The following BNC2 variants were observed in gnomAD, a reference collection of about 807,000 sequenced individuals.
BNC2 encodes basonuclin zinc finger protein 2, also known as zinc finger protein basonuclin-2.
In BNC2, 20 loss-of-function variants were observed where a neutral mutation model predicts 76.3. The observed-to-expected ratio is 0.26, with a 90% confidence interval of 0.18 to 0.38. The LOEUF (loss-of-function observed/expected upper bound fraction) is 0.38, where lower values mean the gene tolerates loss of function less well. Ranked by LOEUF, BNC2 falls within the 10% of genes least tolerant of loss-of-function variation. The probability of loss-of-function intolerance (pLI) is 1.00; values close to 1 mark genes in which losing one functional copy is unlikely to be tolerated. For missense variants in BNC2, 1,382 were observed against 1,399.8 expected (o/e 0.99, Z 0.20); for synonymous variants, 582 against 514.8 (o/e 1.13, Z -1.77).
At chr9:16,847,255 GA>G (rs1217978088) in intron 1 of BNC2, among the ~76,000 whole-genome samples, 5 of 152,102 alleles carry the variant, frequency 3.3e-5, no homozygotes, top group Admixed American at 6.5e-5. Flanking sequence ...ATATGACAGA[GA>G]ACTTAAACCA....
intron 1 of BNC2, among the ~76,000 whole-genome samples, chr9:16,810,307 A>G (rs370906970): frequency 1.3e-5 from 2 of 152,330 alleles, no homozygotes; most frequent in African/African-American, 4.8e-5. Context: ...TGGGGCTAGA[A>G]GCTGAGGTGA....
At chr9:16,853,532 A>G (rs1405582776) in intron 1 of BNC2, among the ~76,000 whole-genome samples, 1 of 151,492 alleles carries the variant, frequency 6.6e-6, no homozygotes, top group South Asian at 2.1e-4. Context: ...TCTCTCCAAC[A>G]CCTCCCCTCA....
intron 4 of BNC2, among the ~76,000 whole-genome samples, chr9:16,562,928 T>C (rs966598441): frequency 1.3e-5 from 2 of 152,212 alleles, no homozygotes; most frequent in African/African-American, 4.8e-5. Context: ...TAAATAAATT[T>C]TACTAGCACC....
chr9:16,468,375 A>C (rs1821740966), intron 5 of BNC2, among the ~76,000 whole-genome samples: 1 of 151,708 alleles, frequency 6.6e-6, no homozygotes, highest in Non-Finnish European at 1.5e-5. Context: ...TAGGTATTTT[A>C]TATGCAGTAT....
intron 5 of BNC2, among the ~76,000 whole-genome samples, chr9:16,520,433 G>GT (rs1422183930): frequency 1.3e-5 from 2 of 152,140 alleles, no homozygotes; most frequent in Admixed American, 6.5e-5. Flanking sequence ...AGGAACTGGT[G>GT]TAAGAACAAT....
intron 1 of BNC2, among the ~76,000 whole-genome samples, chr9:16,796,633 GGGAAA>G (rs371867102): frequency 3.5e-5 from 5 of 144,710 alleles, no homozygotes; most frequent in African/African-American, 1.3e-4. Context: ...GGAAGGGAAA[GGGAAA>G]GGAAAGGAAA....
intron 3 of BNC2, among the ~76,000 whole-genome samples, chr9:16,589,729 C>CA (rs2133153197): frequency 6.6e-6 from 1 of 151,988 alleles, no homozygotes; most frequent in Admixed American, 6.6e-5. Context: ...AGGCTGGTCT[C>CA]AAACTCCTGA....
chr9:16,808,870 G>C (rs968936782), intron 1 of BNC2, among the ~76,000 whole-genome samples: 1 of 152,034 alleles, frequency 6.6e-6, no homozygotes, highest in African/African-American at 2.4e-5. Flanking sequence ...GCTGGTGACT[G>C]GGACAGGAAA....
intron 3 of BNC2, among the ~76,000 whole-genome samples, chr9:16,652,379 G>T (rs1821817106): frequency 6.6e-6 from 1 of 151,930 alleles, no homozygotes; most frequent in Non-Finnish European, 1.5e-5. Flanking sequence ...TTTCTTTTAG[G>T]TTGCCAAACC....
intron 3 of BNC2, among the ~76,000 whole-genome samples, chr9:16,643,257 G>C (rs376385602): frequency 6.8e-6 from 1 of 146,062 alleles, no homozygotes; most frequent in Non-Finnish European, 1.5e-5. Context: ...AGTGAGCCAA[G>C]ATCACGACAA....
In BNC2 at chr9:16,435,761, A is replaced by T. The variant is rs1820995959; in HGVS notation, c.2433T>A (p.Ser811=). ...ACTTTTGAGGGCTGCCATAATTCAGAGACGATGTAAAGCTCTCATGCAAGG... is the reference window on the plus strand; with the variant it reads ...ACTTTTGAGGGCTGCCATAATTCAGTGACGATGTAAAGCTCTCATGCAAGG... ...MAALHESFTS[S]LNYGSPQKFS... is the part of the protein sequence containing the mutation. The change falls in exon 6 of 7, where the codon TCT becomes TCA. Residue 811 remains serine (S), a synonymous_variant. Transcript: ENST00000380672. 6.2e-7 allele frequency: 1 copy of T among 1,613,948 alleles called. No individual in the cohort carries two copies. Among genetic ancestry groups the T allele is most frequent in the African/African-American group, 1.3e-5 (1 of 74,896 alleles).
intron 3 of BNC2, among the ~76,000 whole-genome samples, chr9:16,689,042 G>A (rs371952023): frequency 6.6e-6 from 1 of 151,928 alleles, no homozygotes; most frequent in East Asian, 1.9e-4. Flanking sequence ...CATTCACTTC[G>A]GTGTCAAAAG....
At chr9:16,786,544 C>A (rs1826298790) in intron 1 of BNC2, among the ~76,000 whole-genome samples, 1 of 152,120 alleles carries the variant, frequency 6.6e-6, no homozygotes, top group Non-Finnish European at 1.5e-5. Flanking sequence ...TGTGGCTCTT[C>A]AAAATAAAGT....
intron 3 of BNC2, among the ~76,000 whole-genome samples, chr9:16,660,025 T>G (rs1822062597): frequency 6.6e-6 from 1 of 152,208 alleles, no homozygotes; most frequent in African/African-American, 2.4e-5. Flanking sequence ...GCAAAATATT[T>G]TACAAATCTA....
intron 5 of BNC2, among the ~76,000 whole-genome samples, chr9:16,447,931 A>T (rs1326768110): frequency 6.6e-6 from 1 of 152,074 alleles, no homozygotes; most frequent in East Asian, 1.9e-4. Context: ...TCATATGGAG[A>T]TGATAACTAG....
chr9:16,506,957 A>G (rs74543821), intron 5 of BNC2, among the ~76,000 whole-genome samples: 11,215 of 151,860 alleles, frequency 0.074, 1,180 homozygotes, highest in African/African-American at 0.23. Context: ...TTCACACCAC[A>G]TTGACCAGGC....
chr9:16,863,538 T>C (rs1412444301), intron 1 of BNC2, among the ~76,000 whole-genome samples: 1 of 151,982 alleles, frequency 6.6e-6, no homozygotes, highest in Admixed American at 6.6e-5. Context: ...CTACTAAAAA[T>C]ACAAAAATTA....
At chr9:16,613,239 A>T (rs911212649) in intron 3 of BNC2, among the ~76,000 whole-genome samples, 1 of 152,210 alleles carries the variant, frequency 6.6e-6, no homozygotes, top group Non-Finnish European at 1.5e-5. Flanking sequence ...CAGTTTGAAT[A>T]AGCAAATACC....
intron 1 of BNC2, among the ~76,000 whole-genome samples, chr9:16,741,300 A>G (rs984812864): frequency 4.6e-5 from 7 of 152,060 alleles, no homozygotes; most frequent in Admixed American, 4.6e-4. Flanking sequence ...CTAAAAATAC[A>G]AAATTAGCCA....
Sources: gnomAD v4.1 joint callset for allele counts (sites outside exome capture counted in the v4.1 genomes callset) on GRCh38, gnomAD v4.1.1 for gene constraint, MANE v1.5 for transcripts, NCBI Gene and HGNC (gene_info 2026-07-23, HGNC 2026-07-21) for gene names.